Variants in SLC4A4 observed in about 807,000 individuals in gnomAD.
SLC4A4 encodes the protein electrogenic sodium bicarbonate cotransporter 1.
A neutral mutation model predicts 111.5 loss-of-function variants in SLC4A4; 27 were observed. The ratio of observed to expected loss-of-function variants is 0.24; its 90% CI spans 0.18 to 0.33. The LOEUF is 0.33. SLC4A4 is among the 10% of genes least tolerant of loss of function. SLC4A4 has a pLI of 1.00. For synonymous variants in SLC4A4, 443 were observed against 463.4 expected (o/e 0.96, Z 0.57); for missense variants, 909 against 1,315.5 (o/e 0.69, Z 4.78).
intron 3 of SLC4A4, among the ~76,000 whole-genome samples, chr4:71,259,200 C>T (rs529916836): frequency 2.0e-5 from 3 of 152,302 alleles, no homozygotes; most frequent in Middle Eastern, 6.8e-3. Context: ...TATTTAGGCA[C>T]ATTAAGGAGA....
chr4:71,161,163 T>C (rs980076341), intron 2 of SLC4A4, among the ~76,000 whole-genome samples: 1 of 152,160 alleles, frequency 6.6e-6, no homozygotes, highest in Non-Finnish European at 1.5e-5. Context: ...TGGATTCTGA[T>C]AGAGACATTA....
intron 12 of SLC4A4, among the ~76,000 whole-genome samples, chr4:71,464,642 C>T (rs545689917): frequency 1.4e-4 from 22 of 152,180 alleles, no homozygotes; most frequent in African/African-American, 4.8e-4. Flanking sequence ...TGAGAGAAGC[C>T]AATCTTACTA....
chr4:71,201,461 C>G (rs565541398), intron 1 of SLC4A4, among the ~76,000 whole-genome samples: 1 of 152,308 alleles, frequency 6.6e-6, no homozygotes, highest in South Asian at 2.1e-4. Context: ...CACCTCTGTT[C>G]TGCAGGGGAG....
intron 1 of SLC4A4, among the ~76,000 whole-genome samples, chr4:71,216,364 A>G (rs1184459550): frequency 6.6e-6 from 1 of 152,054 alleles, no homozygotes; most frequent in Non-Finnish European, 1.5e-5. Context: ...ATTTGGGGTC[A>G]TTTTTAAGTT....
At chr4:71,334,319 G>A (rs970193418) in intron 3 of SLC4A4, among the ~76,000 whole-genome samples, 1 of 152,066 alleles carries the variant, frequency 6.6e-6, no homozygotes, top group African/African-American at 2.4e-5. Flanking sequence ...TGGGAGCTAG[G>A]GCCTGGAATT....
In SLC4A4 at chr4:71,569,431, A is replaced by G. The variant is rs576109800; in HGVS notation, c.*1680A>G. 1 of 151,808 alleles carries G rather than the reference A, an allele frequency of 6.6e-6. No homozygotes were observed. Among genetic ancestry groups the G allele is most frequent in the Admixed American group, 6.6e-5 (1 of 15,182 alleles). The allele number at this position is 151,808 out of a possible 1,614,324, so 9.4% of individuals were successfully genotyped here. Reference sequence around the variant, plus strand: ...TCTTTGTAAGCGGGACATTTAGAATATATTTGTGTACATATTATATGTATG... The same window carrying G: ...TCTTTGTAAGCGGGACATTTAGAATGTATTTGTGTACATATTATATGTATG... On this transcript the variant is annotated 3_prime_UTR_variant, in exon 26 of 26. Transcript: ENST00000264485.
intron 14 of SLC4A4, among the ~76,000 whole-genome samples, chr4:71,474,438 A>G (rs531810352): frequency 6.6e-6 from 1 of 152,052 alleles, no homozygotes; most frequent in East Asian, 1.9e-4. Flanking sequence ...TTTAAAAAAT[A>G]AGCAAGATAC....
At chr4:71,390,306 A>G (rs77097364) in intron 6 of SLC4A4, among the ~76,000 whole-genome samples, 3,044 of 152,302 alleles carry the variant, frequency 0.02, 104 homozygotes, top group African/African-American at 0.069. Context: ...ATGGGAAGAA[A>G]TTAGAACTGA....
At chr4:71,480,952 G>A (rs1395416110) in intron 14 of SLC4A4, among the ~76,000 whole-genome samples, 1 of 151,712 alleles carries the variant, frequency 6.6e-6, no homozygotes, top group Non-Finnish European at 1.5e-5. Context: ...TCATCCCAGG[G>A]ACAAGGTCTG....
chr4:71,484,125 T>C (rs1281172545), intron 14 of SLC4A4, among the ~76,000 whole-genome samples: 4 of 151,668 alleles, frequency 2.6e-5, no homozygotes, highest in Non-Finnish European at 4.4e-5. Flanking sequence ...CAGTAGGTTG[T>C]TTGTTTACTC....
rs868462085 is a variant in SLC4A4, at chr4:71,176,696, C to T, written c.-1-59880C>T. Among the ~76,000 whole-genome samples the T allele has an allele frequency of 6.6e-5, 10 of 152,278 alleles. No homozygotes were observed. The South Asian group carries it at 1.5e-3, about 22-fold the overall frequency. On this transcript the variant is annotated intron_variant, in intron 2 of 26. Transcript: ENST00000649996. ...GGACTATGTGAAAAGACCAAATCTA[C>T]GTCTGATTGGTGTACCTGAAAGTGA...
chr4:71,491,209 T>C (rs1729871763), intron 15 of SLC4A4, among the ~76,000 whole-genome samples: 2 of 151,872 alleles, frequency 1.3e-5, no homozygotes, highest in Admixed American at 1.3e-4. Flanking sequence ...TTCAGATTAC[T>C]GCAAATCTGG....
chr4:71,244,617 ATTTATC>A (rs1720497329), intron 2 of SLC4A4, among the ~76,000 whole-genome samples: 1 of 152,132 alleles, frequency 6.6e-6, no homozygotes, highest in African/African-American at 2.4e-5. Context: ...GTTGTATGTA[ATTTATC>A]TTTATGTGCA....
At position 71,534,188 on chromosome 4, in the gene SLC4A4, C is replaced by G. The variant is rs777092764; in HGVS notation, c.2281-39C>G. On this transcript the variant is annotated intron_variant, in intron 17 of 25. Transcript: ENST00000264485. ...TTTTCACCAAATAGTATATATTAAC[C>G]TGATAATTTTCTGAAAAATGTCATC... The G allele has an allele frequency of 8.1e-6, 13 of 1,602,448 alleles. No homozygotes were observed. The Admixed American group carries it at 2.0e-4, about 25-fold the overall frequency.
intron 6 of SLC4A4, among the ~76,000 whole-genome samples, chr4:71,394,482 A>G (rs1719610545): frequency 1.3e-5 from 2 of 152,266 alleles, no homozygotes; most frequent in South Asian, 4.1e-4. Context: ...AATGGCCATA[A>G]TCAAAAAATC....
chr4:71,080,486 T>C (rs1011855776), intron 1 of SLC4A4, among the ~76,000 whole-genome samples: 2 of 152,084 alleles, frequency 1.3e-5, no homozygotes, highest in East Asian at 3.8e-4. Flanking sequence ...ATAGGGCACA[T>C]GTAAAAGGAT....
intron 18 of SLC4A4, among the ~76,000 whole-genome samples, chr4:71,542,993 C>G (rs771053195): frequency 1.3e-5 from 2 of 152,062 alleles, no homozygotes; most frequent in African/African-American, 2.4e-5. Context: ...ATACATGGTT[C>G]CTGTCCTCAT....
chr4:71,524,519 G>A (rs1733245838), intron 16 of SLC4A4, among the ~76,000 whole-genome samples: 1 of 151,990 alleles, frequency 6.6e-6, no homozygotes, highest in Admixed American at 6.6e-5. Flanking sequence ...AAATCTCTTT[G>A]ACTTAGAACT....
At chr4:71,491,244 CTAAA>C (rs1465847261) in intron 15 of SLC4A4, among the ~76,000 whole-genome samples, 1 of 151,836 alleles carries the variant, frequency 6.6e-6, no homozygotes, top group African/African-American at 2.4e-5. Flanking sequence ...GGAAAAAACT[CTAAA>C]TAAGTACATC....
Sources: allele counts gnomAD v4.1 joint callset (sites outside exome capture counted in the v4.1 genomes callset), GRCh38; gene constraint gnomAD v4.1.1; transcripts MANE v1.5; gene names NCBI Gene and HGNC (gene_info 2026-07-23, HGNC 2026-07-21).